The following MS4A8 variants were observed in gnomAD, a reference collection of about 807,000 sequenced individuals.
MS4A8 encodes membrane spanning 4-domains A8.
Under a neutral mutation model 23.7 loss-of-function variants are expected in MS4A8, and 27 were observed. The observed-to-expected ratio is 1.14, with a 90% CI of 0.84 to 1.57. The LOEUF (loss-of-function observed/expected upper bound fraction) is 1.57. Among genes scored for constraint, MS4A8 ranks in the 40% most tolerant of loss-of-function variants. The pLI, the probability that MS4A8 is intolerant of heterozygous loss-of-function variation, is 0.00. For synonymous variants in MS4A8, 138 were observed against 126.3 expected, an observed-to-expected ratio of 1.09 and a Z score of -0.62; for missense variants, 301 against 311.4, an observed-to-expected ratio of 0.97 and a Z score of 0.25.
intron 5 of MS4A8, chr11:60,709,197 T>G (rs1256004828): frequency 4.5e-6 from 1 of 223,478 alleles, no homozygotes; most frequent in Non-Finnish European, 8.9e-6. Context: ...TATAGCTGCC[T>G]TACAGCAGCC....
chr11:60,704,208 C>T (rs748036489), intron 3 of MS4A8, among the ~76,000 whole-genome samples: 5 of 151,356 alleles, frequency 3.3e-5, no homozygotes, highest in African/African-American at 1.2e-4. Context: ...GCAACCTCCC[C>T]CTCCCGGATT....
At chr11:60,703,696 C>T (rs1161601988) in intron 3 of MS4A8, among the ~76,000 whole-genome samples, 196 bp downstream of exon 3, 2 of 152,210 alleles carry the variant, frequency 1.3e-5, no homozygotes, top group African/African-American at 4.8e-5. Context: ...GAGTATAGCA[C>T]CACAGGTTGG....
At chr11:60,711,878 C>T (rs1160429060) in intron 5 of MS4A8, 1 of 455,992 alleles carries the variant, frequency 2.2e-6, no homozygotes, top group Non-Finnish European at 4.4e-6. Flanking sequence ...ATGCCCACCA[C>T]CCATTCCACC....
chr11:60,707,143 C>T (rs2088262418), intron 4 of MS4A8, 96 bp downstream of exon 4: 1 of 1,101,666 alleles, frequency 9.1e-7, no homozygotes, highest in African/African-American at 1.5e-5. Flanking sequence ...CTCCCCCAGC[C>T]TTGCACCTAC....
rs1017297003 is a variant in MS4A8 at position 60,706,430 on chromosome 11, A to C, written c.343-558A>C. Among the ~76,000 whole-genome samples, 3 of 152,212 alleles carry C rather than the reference A, an allele frequency of 2.0e-5. No homozygotes were observed. The East Asian group carries it at 5.8e-4, about 29-fold the overall frequency. Reference sequence around the variant, plus strand: ...GAGTAACTAAAAGTTATTTGTCCAGATATGCAGGCAGGCAAGGATTGATGT... The same window carrying C: ...GAGTAACTAAAAGTTATTTGTCCAGCTATGCAGGCAGGCAAGGATTGATGT... On this transcript the variant is annotated intron_variant, in intron 3 of 6. Coordinates refer to ENST00000300226, the MANE Select transcript of MS4A8 (RefSeq NM_031457.2).
At chr11:60,710,003 A>G (rs1456738851) in intron 5 of MS4A8, among the ~76,000 whole-genome samples, 1 of 151,492 alleles carries the variant, frequency 6.6e-6, no homozygotes, top group Non-Finnish European at 1.5e-5. Flanking sequence ...TCACTTCCCT[A>G]AACACCTGCT....
intron 5 of MS4A8, chr11:60,712,598 A>C: frequency 1.7e-6 from 1 of 605,194 alleles, no homozygotes; most frequent in Non-Finnish European, 2.1e-6. Flanking sequence ...GTTCAAGACC[A>C]GCCTGGGCAA....
intron 5 of MS4A8, chr11:60,712,285 T>C (rs2088306717): frequency 1.0e-6 from 1 of 977,904 alleles, no homozygotes; most frequent in African/African-American, 1.8e-5. Context: ...TCTTACCCTA[T>C]CTGATGTGAA....
At chr11:60,712,487 T>C in intron 5 of MS4A8, 4 of 985,240 alleles carry the variant, frequency 4.1e-6, no homozygotes, top group Non-Finnish European at 4.8e-6. Flanking sequence ...ATGCTGTTTT[T>C]AAAAATCATA....
Position 60,703,369 on chromosome 11 carries a change from T to G in MS4A8, c.220-9T>G. The G allele has an allele frequency of 6.5e-7, 1 of 1,542,034 alleles. No individual in the cohort carries two copies. Among genetic ancestry groups the G allele is most frequent in the Non-Finnish European group, 8.7e-7 (1 of 1,145,736 alleles). On this transcript the variant is annotated splice_polypyrimidine_tract_variant and intron_variant, in intron 2 of 6. Coordinates refer to ENST00000300226, the MANE Select transcript of MS4A8 (RefSeq NM_031457.2). The stretch of plus-strand genomic sequence containing the variant: ...GAAACAAGACTTCAGCTTGTGGCTC[T>G]CCTGACAGGCCATCCAGATCATCAT...
chr11:60,715,628 A>G lies in MS4A8; in HGVS notation c.*214A>G. The G allele has an allele frequency of 1.8e-6, 1 of 552,398 alleles. No individual in the cohort carries two copies. Among genetic ancestry groups the G allele is most frequent in the Non-Finnish European group, 3.2e-6 (1 of 308,784 alleles). 34.2% of individuals were successfully genotyped at this position (552,398 alleles called of 1,614,324 possible). On this transcript the variant is annotated 3_prime_UTR_variant, in exon 7 of 7. Transcript: ENST00000300226. ...AGATTTTAAACAGATGTTAACCAAG[A>G]GGGACTCCCTAGGGCACATGCATCA...
chr11:60,712,318 T>G lies in MS4A8; in HGVS notation c.535-2703T>G. The G allele has an allele frequency of 3.0e-6, 3 of 985,136 alleles. No homozygotes were observed. In the South Asian group the frequency reaches 1.4e-4, roughly 46 times the overall value. 61.0% of individuals were successfully genotyped at this position (985,136 alleles called of 1,614,324 possible). A position where few individuals can be genotyped will look rare whatever the true frequency, so the allele number is the denominator to read the frequency against. On this transcript the variant is annotated intron_variant, in intron 5 of 6. Transcript: ENST00000300226. The stretch of plus-strand genomic sequence containing the variant: ...GAATTATAATTATCATCTGCATCTG[T>G]TTTCCTACTAGATTGTGCCTCTCAG...
intron 5 of MS4A8, 64 bp downstream of exon 5, chr11:60,708,845 A>T: frequency 6.3e-7 from 1 of 1,598,634 alleles, no homozygotes; most frequent in Non-Finnish European, 8.6e-7. Context: ...GAAAACTCCC[A>T]GAAAGGGCTT....
chr11:60,708,588 C>T, intron 4 of MS4A8, 62 bp from the exon 5 acceptor site: 1 of 1,450,196 alleles, frequency 6.9e-7, no homozygotes, highest in Non-Finnish European at 9.1e-7. Flanking sequence ...CTTGTTGGGT[C>T]TCCATTCATC....
At chr11:60,706,651 A>G (rs932026323) in intron 3 of MS4A8, among the ~76,000 whole-genome samples, 7 of 152,236 alleles carry the variant, frequency 4.6e-5, no homozygotes, top group East Asian at 1.9e-4. Flanking sequence ...TGCCAGATGT[A>G]GGGCATAAGT....
chr11:60,713,381 C>T (rs775983733), intron 5 of MS4A8, among the ~76,000 whole-genome samples: 2 of 147,616 alleles, frequency 1.4e-5, no homozygotes, highest in African/African-American at 2.7e-5. Flanking sequence ...CATTATTGGG[C>T]ATGGGTAATA....
chr11:60,701,000 C>CT lies in MS4A8; in HGVS notation c.141dup (p.Gly48TrpfsTer5). On this transcript the variant is annotated frameshift_variant, in exon 2 of 7. Transcript: ENST00000300226. LOFTEE classifies it high-confidence loss of function. Reference sequence around the variant, plus strand: ...AGCCAGCCGCAAGTCCACCTAGTTCCTGGGAACCCACCTAGTTTGGTGTCG... The same window carrying CT: ...AGCCAGCCGCAAGTCCACCTAGTTCCTTGGGAACCCACCTAGTTTGGTGTCG... 2 of 1,614,206 alleles carry CT rather than the reference C, an allele frequency of 1.2e-6. No individual in the cohort carries two copies. Among genetic ancestry groups the CT allele is most frequent in the Non-Finnish European group, 1.7e-6 (2 of 1,180,044 alleles).
intron 1 of MS4A8, among the ~76,000 whole-genome samples, chr11:60,700,333 G>A (rs907166695): frequency 2.6e-5 from 4 of 152,188 alleles, no homozygotes; most frequent in Non-Finnish European, 4.4e-5. Context: ...ATCGCCTGAG[G>A]TCAGGAGTTC....
At chr11:60,704,847 CACATACAA>C (rs1368585716) in intron 3 of MS4A8, among the ~76,000 whole-genome samples, 1 of 41,136 alleles carries the variant, frequency 2.4e-5, no homozygotes, top group Non-Finnish European at 7.1e-5. Flanking sequence ...TACACACACA[CACATACAA>C]ACAAACACAC....
Sources: allele counts gnomAD v4.1 joint callset (sites outside exome capture counted in the v4.1 genomes callset), GRCh38; gene constraint gnomAD v4.1.1; transcripts MANE v1.5; gene names NCBI Gene and HGNC (gene_info 2026-07-23, HGNC 2026-07-21).